The following TENM2 variants were observed in gnomAD, a reference collection of about 807,000 sequenced individuals.
The protein encoded by TENM2 is teneurin transmembrane protein 2.
Under a neutral mutation model 245.2 loss-of-function variants are expected in TENM2, and 52 were observed. The observed-to-expected ratio is 0.21, with a 90% CI of 0.17 to 0.27. The LOEUF is 0.27. Among genes scored for constraint, TENM2 ranks in the 10% least tolerant of loss-of-function variants. The pLI, the probability that TENM2 is intolerant of heterozygous loss-of-function variation, is 1.00. For missense variants in TENM2, 3,046 were observed against 3,666.8 expected, an observed-to-expected ratio of 0.83 and a Z score of 4.37; for synonymous variants, 1,363 against 1,438.9, an observed-to-expected ratio of 0.95 and a Z score of 1.19.
chr5:167,319,409 G>A (rs910363948), intron 1 of TENM2, among the ~76,000 whole-genome samples: 27 of 151,994 alleles, frequency 1.8e-4, no homozygotes, highest in Non-Finnish European at 1.6e-4. Flanking sequence ...AAGTTGTCTC[G>A]CATTTAGAAG....
rs137984865 is a variant in TENM2 at position 168,139,827 on chromosome 5, G to T, written c.2422+12861G>T. ...CCCAGCTCCAGCTGAACATGGCCATGTAGAAATGCAAGCCTAGTCTTCCCC... is the reference window on the plus strand; with the variant it reads ...CCCAGCTCCAGCTGAACATGGCCATTTAGAAATGCAAGCCTAGTCTTCCCC... On this transcript the variant is annotated intron_variant, in intron 12 of 28. Coordinates refer to ENST00000518659, the Ensembl canonical transcript of TENM2. Among the ~76,000 whole-genome samples the T allele has an allele frequency of 2.2e-3, 337 of 152,348 alleles. 4 individuals carry two copies. The highest frequency in any genetic ancestry group is 7.7e-3 in the African/African-American group (319 of 41,584).
intron 5 of TENM2, among the ~76,000 whole-genome samples, chr5:168,004,025 C>T (rs1171272331): frequency 6.6e-6 from 1 of 152,174 alleles, no homozygotes; most frequent in Non-Finnish European, 1.5e-5. Context: ...GATGGAAAGA[C>T]TGAATGTGGC....
chr5:168,058,785 C>T (rs1789782578), intron 6 of TENM2, among the ~76,000 whole-genome samples: 1 of 152,134 alleles, frequency 6.6e-6, no homozygotes, highest in Non-Finnish European at 1.5e-5. Flanking sequence ...AGTTTTTCAT[C>T]CTTTTTTTCA....
At chr5:167,605,460 T>C (rs915900499) in intron 2 of TENM2, among the ~76,000 whole-genome samples, 6 of 152,168 alleles carry the variant, frequency 3.9e-5, no homozygotes, top group African/African-American at 1.4e-4. Context: ...AGTGAATAAC[T>C]GTTCATCCCA....
At chr5:167,794,337 G>A (rs571891586) in intron 2 of TENM2, among the ~76,000 whole-genome samples, 161 of 152,252 alleles carry the variant, frequency 1.1e-3, no homozygotes, top group Admixed American at 2.7e-3. Flanking sequence ...AACCTGAAAG[G>A]GAAATAAATT....
rs6894726 is a variant in TENM2, at chr5:167,354,066, T to C, written c.227-21132T>C. 5.1e-3 allele frequency among the ~76,000 whole-genome samples: 775 copies of C among 152,328 alleles called. 9 individuals are homozygous for C. Among genetic ancestry groups the C allele is most frequent in the African/African-American group, 0.017 (698 of 41,580 alleles). On this transcript the variant is annotated intron_variant, in intron 1 of 28. Transcript: ENST00000518659. ...ACCTTTTCTCTGCTTTCAGTCTAAC[T>C]GGGTTATACATTAAGCAAACTACCT...
At chr5:167,230,976 T>C in the TENM2 span, among the ~76,000 whole-genome samples, 1 of 152,172 alleles carries the variant, frequency 6.6e-6, no homozygotes, top group Admixed American at 6.5e-5. Flanking sequence ...TAGTGAGTTC[T>C]CCTGAGATCT....
the TENM2 span, among the ~76,000 whole-genome samples, chr5:167,270,361 G>C: frequency 6.6e-6 from 1 of 152,120 alleles, no homozygotes; most frequent in African/African-American, 2.4e-5. Context: ...GGGAGTGGTG[G>C]TGGTGATGGT....
chr5:168,090,641 G>A (rs367902324), exon 8 of TENM2: 16 of 1,613,762 alleles, frequency 9.9e-6, no homozygotes, highest in South Asian at 5.5e-5. Context: ...AGGGAACGCC[G>A]GAGCATACAG....
At chr5:168,093,677 G>A (rs1442863502) in intron 8 of TENM2, among the ~76,000 whole-genome samples, 1 of 152,154 alleles carries the variant, frequency 6.6e-6, no homozygotes, top group African/African-American at 2.4e-5. Flanking sequence ...CTGGAAGCAC[G>A]ATGCCAGCCT....
At chr5:167,101,529 G>A in the TENM2 span, among the ~76,000 whole-genome samples, 1 of 151,982 alleles carries the variant, frequency 6.6e-6, no homozygotes, top group Non-Finnish European at 1.5e-5. Context: ...AGGAGGTGGG[G>A]TCTATCTCCC....
intron 2 of TENM2, among the ~76,000 whole-genome samples, chr5:167,528,689 A>G (rs1254230244): frequency 1.3e-5 from 2 of 152,166 alleles, no homozygotes; most frequent in African/African-American, 4.8e-5. Context: ...GGTGCTTAGC[A>G]AAGAAGATAT....
chr5:168,171,748 G>A (rs1442064920), intron 13 of TENM2, among the ~76,000 whole-genome samples: 1 of 152,088 alleles, frequency 6.6e-6, no homozygotes, highest in African/African-American at 2.4e-5. Flanking sequence ...AAATTGTGAT[G>A]AAAATGCATA....
At chr5:167,735,409 T>A (rs909441468) in intron 2 of TENM2, among the ~76,000 whole-genome samples, 1 of 152,210 alleles carries the variant, frequency 6.6e-6, no homozygotes, top group Non-Finnish European at 1.5e-5. Flanking sequence ...GAAAAACTAA[T>A]CAGTCAATAC....
chr5:168,086,210 C>G (rs1230567878), intron 7 of TENM2, among the ~76,000 whole-genome samples: 1 of 152,162 alleles, frequency 6.6e-6, no homozygotes, highest in Non-Finnish European at 1.5e-5. Flanking sequence ...AAGTAACAGC[C>G]CCCGCTCCAC....
the TENM2 span, among the ~76,000 whole-genome samples, chr5:167,224,986 T>C: frequency 6.6e-6 from 1 of 152,074 alleles, no homozygotes. Context: ...ATTGCCTTCC[T>C]AATTTCTGTT....
intron 19 of TENM2, among the ~76,000 whole-genome samples, chr5:168,210,229 C>T (rs1298097000): frequency 6.6e-6 from 1 of 152,124 alleles, no homozygotes; most frequent in East Asian, 1.9e-4. Context: ...TTCTCCAAAG[C>T]TCATATTCGT....
chr5:167,286,038 C>G (rs1447316399), intron 1 of TENM2, among the ~76,000 whole-genome samples: 1 of 152,148 alleles, frequency 6.6e-6, no homozygotes, highest in East Asian at 1.9e-4. Flanking sequence ...CTTTTTACTA[C>G]TTTTTATTAC....
At chr5:167,130,499 C>T in the TENM2 span, among the ~76,000 whole-genome samples, 1 of 152,310 alleles carries the variant, frequency 6.6e-6, no homozygotes, top group South Asian at 2.1e-4. Context: ...GGAGCATTCA[C>T]TCAACGTCCC....
Sources: gnomAD v4.1 joint callset for allele counts (sites outside exome capture counted in the v4.1 genomes callset) on GRCh38, gnomAD v4.1.1 for gene constraint, MANE v1.5 for transcripts, NCBI Gene and HGNC (gene_info 2026-07-23, HGNC 2026-07-21) for gene names.